Variants in SMARCE1 observed in about 807,000 individuals in gnomAD.
SMARCE1 encodes SWI/SNF-related matrix-associated actin-dependent regulator of chromatin subfamily E member 1.
In SMARCE1, 13 loss-of-function variants were observed where a neutral mutation model predicts 54.9. The observed-to-expected ratio is 0.24, with a 90% CI of 0.15 to 0.38. SMARCE1 has a LOEUF of 0.38. Ranked by LOEUF, SMARCE1 falls within the 10% of genes least tolerant of loss-of-function variation. The probability of loss-of-function intolerance (pLI) is 1.00; values close to 1 mark genes in which losing one functional copy is unlikely to be tolerated. For synonymous variants in SMARCE1, 151 were observed against 175.3 expected (o/e 0.86, Z 1.10); for missense variants, 295 against 523.8 (o/e 0.56, Z 4.26).
intron 9 of SMARCE1, 196 bp downstream of exon 9, chr17:40,631,396 T>C: frequency 1.9e-6 from 1 of 532,460 alleles, no homozygotes; most frequent in Non-Finnish European, 3.3e-6. Flanking sequence ...TACTCTATGA[T>C]ATTTCAAATT....
rs2143986770 is a variant in SMARCE1, at chr17:40,631,578, T to C, written c.816+14A>G. ...TATAGTGATAAAAGTATAGTTAACA[T>C]ATTAAACAGATACCCTTTTAAGTTC... On this transcript the variant is annotated intron_variant, in intron 9 of 10. Transcript: ENST00000348513. 9 of 1,304,528 alleles carry C rather than the reference T, an allele frequency of 6.9e-6. No individual in the cohort carries two copies. The highest frequency in any genetic ancestry group is 8.9e-6 in the Non-Finnish European group (8 of 901,096). 80.8% of individuals were successfully genotyped at this position (1,304,528 alleles called of 1,614,324 possible).
Position 40,631,711 on chromosome 17 carries a change from G to C in SMARCE1, c.715-18C>G, listed in dbSNP as rs200404007. 3 of 1,412,006 alleles carry C rather than the reference G, an allele frequency of 2.1e-6. No homozygotes were observed. The East Asian group carries it at 6.8e-5, about 32-fold the overall frequency. 87.5% of individuals were successfully genotyped at this position (1,412,006 alleles called of 1,614,324 possible). ...AGTTTTCGCTGCAAGACAGGATCAGGCTTCATAATTGTGTCTCATTTTTTA... is the reference window on the plus strand; with the variant it reads ...AGTTTTCGCTGCAAGACAGGATCAGCCTTCATAATTGTGTCTCATTTTTTA... On this transcript the variant is annotated intron_variant, in intron 8 of 10. Transcript: ENST00000348513.
intron 2 of SMARCE1, 34 bp downstream of exon 2, chr17:40,645,762 A>G: frequency 9.0e-7 from 1 of 1,105,260 alleles, no homozygotes; most frequent in Admixed American, 3.0e-5. Flanking sequence ...TCTCTTATTA[A>G]CATAGATTGA....
chr17:40,632,362 C>A lies in SMARCE1; in HGVS notation c.547G>T (p.Asp183Tyr). ...GTATGCTTCATTGAAAAGCCATCAT[C>A]ATAATCTGGAGTGAACAAATTGTTC... ...IQPAEDPDDY[D>Y]DGFSMKHTAT... Residue 183 changes from aspartate (D) to tyrosine (Y), a missense_variant, in exon 8 of 11, where the codon GAT becomes TAT. Transcript: ENST00000348513. 6.2e-7 allele frequency: 1 copy of A among 1,613,680 alleles called. No individual in the cohort carries two copies. Among genetic ancestry groups the A allele is most frequent in the Non-Finnish European group, 8.5e-7 (1 of 1,179,734 alleles).
chr17:40,643,857 C>T (rs374546093), intron 3 of SMARCE1: 16 of 152,200 alleles, frequency 1.1e-4, no homozygotes, highest in Non-Finnish European at 1.8e-4. Context: ...TTAGAAAAGA[C>T]GCAAATAAAG....
At chr17:40,632,412 T>C (rs1341737275) in intron 7 of SMARCE1, 45 bp from the exon 8 acceptor site, 2 of 1,540,606 alleles carry the variant, frequency 1.3e-6, no homozygotes, top group Non-Finnish European at 1.8e-6. Context: ...CCAGTAACCA[T>C]AAAAAGGAGT....
chr17:40,640,336 A>T (rs2037185904), intron 4 of SMARCE1, among the ~76,000 whole-genome samples: 1 of 152,210 alleles, frequency 6.6e-6, no homozygotes, highest in Admixed American at 6.5e-5. Context: ...TCCATCTTGT[A>T]GCTATCATAA....
intron 9 of SMARCE1, 91 bp downstream of exon 9, chr17:40,631,501 T>C (rs954631226): frequency 5.8e-6 from 4 of 691,230 alleles, no homozygotes; most frequent in Non-Finnish European, 1.0e-5. Context: ...TGAACAACAT[T>C]CAATAAAAAC....
At chr17:40,629,659 T>G (rs1056338099) in intron 10 of SMARCE1, 11 of 448,788 alleles carry the variant, frequency 2.5e-5, no homozygotes, top group Non-Finnish European at 4.0e-5. Flanking sequence ...AGAATCTGAG[T>G]AAAGACCTGC....
At chr17:40,641,627 T>C (rs924190229) in intron 4 of SMARCE1, 5 of 152,242 alleles carry the variant, frequency 3.3e-5, no homozygotes, top group African/African-American at 1.2e-4. Flanking sequence ...TACATTCCAA[T>C]GTAGTATTTG....
At chr17:40,636,610 C>T (rs747065439) in intron 5 of SMARCE1, 84 bp from the exon 6 acceptor site, 10 of 1,095,048 alleles carry the variant, frequency 9.1e-6, no homozygotes, top group Non-Finnish European at 1.4e-5. Context: ...GGAAACTTTT[C>T]AACATACAAA....
chr17:40,646,867 T>C lies in SMARCE1; in HGVS notation c.-46+906A>G, dbSNP rs2037262717. Among the ~76,000 whole-genome samples, 4 of 152,196 alleles carry C rather than the reference T, an allele frequency of 2.6e-5. No individual in the cohort carries two copies. In the South Asian group the frequency reaches 8.3e-4, roughly 31 times the overall value. On this transcript the variant is annotated intron_variant, in intron 1 of 10. Coordinates refer to ENST00000348513, the MANE Select transcript of SMARCE1 (RefSeq NM_003079.5). ...CTGGAGCATAAGGAATGAGTCCTGG[T>C]GTGGAAAGAAACAGCTCATTTTCTC...
At position 40,632,282 on chromosome 17, in the gene SMARCE1, C is replaced by CAG; in HGVS notation, c.626_627insCT (p.Glu209AspfsTer2). ...CTGACCGAACGTCTGGCACCACACTCTCACTAAGAATTTCACTGATGAGGC... is the reference window on the plus strand; with the variant it reads ...CTGACCGAACGTCTGGCACCACACTCAGTCACTAAGAATTTCACTGATGAGGC... On this transcript the variant is annotated frameshift_variant, in exon 8 of 11. Coordinates refer to ENST00000348513, the MANE Select transcript of SMARCE1 (RefSeq NM_003079.5). LOFTEE classifies it high-confidence loss of function. The CAG allele has an allele frequency of 6.2e-7, 1 of 1,613,914 alleles. No individual in the cohort carries two copies.
chr17:40,626,027 G>C lies in SMARCE1; in HGVS notation c.*2758C>G, dbSNP rs1236800241. On this transcript the variant is annotated 3_prime_UTR_variant, in exon 11 of 11. Transcript: ENST00000348513. ...GTGGATCAGGAGGTCAAGAGTTCGA[G>C]ACCAGGCTGGCAAACATGGCAAAAT... The C allele has an allele frequency of 6.6e-6, 1 of 152,150 alleles. No individual in the cohort carries two copies. Among genetic ancestry groups the C allele is most frequent in the Non-Finnish European group, 1.5e-5 (1 of 68,098 alleles). The allele number at this position is 152,150 out of a possible 1,614,324, so 9.4% of individuals were successfully genotyped here.
intron 1 of SMARCE1, among the ~76,000 whole-genome samples, chr17:40,646,311 C>T (rs2037256004): frequency 6.6e-6 from 1 of 152,148 alleles, no homozygotes; most frequent in Non-Finnish European, 1.5e-5. Context: ...GGAAGCAGTG[C>T]AAAAGGTAAT....
At chr17:40,645,504 A>T in intron 3 of SMARCE1, 72 bp downstream of exon 3, 2 of 855,336 alleles carry the variant, frequency 2.3e-6, no homozygotes, top group Non-Finnish European at 3.6e-6. Flanking sequence ...AGTGACTGTC[A>T]CTGGAAGACA....
intron 7 of SMARCE1, chr17:40,632,661 A>G (rs911631017): frequency 2.3e-5 from 7 of 301,886 alleles, no homozygotes; most frequent in Non-Finnish European, 4.3e-5. Context: ...TGGCTTCGGA[A>G]TCAATGTGAA....
intron 1 of SMARCE1, among the ~76,000 whole-genome samples, chr17:40,646,938 C>G (rs1193403751): frequency 6.6e-6 from 1 of 152,184 alleles, no homozygotes; most frequent in Admixed American, 6.5e-5. Flanking sequence ...AGCCAGAAAC[C>G]TTTGACTCTG....
chr17:40,631,922 G>A lies in SMARCE1; in HGVS notation c.715-229C>T, dbSNP rs1425537976. On this transcript the variant is annotated intron_variant, in intron 8 of 10. Transcript: ENST00000348513. ...TCCTTGGGAAAAAATATTTAGCATA[G>A]CAGTAAAGATTGATAGGATGCCTCA... 9.1e-6 allele frequency: 5 copies of A among 551,170 alleles called. No individual in the cohort carries two copies. In the East Asian group the frequency reaches 1.1e-4, roughly 13 times the overall value. The allele number at this position is 551,170 out of a possible 1,614,324, so 34.1% of individuals were successfully genotyped here. A position where few individuals can be genotyped will look rare whatever the true frequency, so the allele number is the denominator to read the frequency against.
Sources: gnomAD v4.1 joint callset for allele counts (sites outside exome capture counted in the v4.1 genomes callset) on GRCh38, gnomAD v4.1.1 for gene constraint, MANE v1.5 for transcripts, NCBI Gene and HGNC (gene_info 2026-07-23, HGNC 2026-07-21) for gene names.